Variants in MEI4 observed in about 807,000 individuals in gnomAD.
MEI4 encodes meiotic double-stranded break formation protein 4, also known as meiosis-specific protein MEI4.
Under a neutral mutation model 31.4 loss-of-function variants are expected in MEI4, and 27 were observed. The ratio of observed to expected loss-of-function variants is 0.86; its 90% CI spans 0.63 to 1.19. The LOEUF is 1.19. Ranked by LOEUF, MEI4 falls within the 50% of genes most tolerant of loss-of-function variation. The pLI is 0.00. For missense variants in MEI4, 329 were observed against 398.9 expected (o/e 0.82, Z 1.49); for synonymous variants, 122 against 145.4 (o/e 0.84, Z 1.16).
At chr6:77,844,279 T>C (rs938921148) in intron 4 of MEI4, among the ~76,000 whole-genome samples, 24 of 152,186 alleles carry the variant, frequency 1.6e-4, no homozygotes, top group African/African-American at 5.5e-4. Flanking sequence ...TTTTTAAGAA[T>C]AGAGTTCCTC....
intron 4 of MEI4, among the ~76,000 whole-genome samples, chr6:77,913,819 G>A (rs188820576): frequency 1.3e-5 from 2 of 151,338 alleles, no homozygotes; most frequent in East Asian, 3.9e-4. Context: ...AGATCACGAG[G>A]TCAGGAGATT....
At chr6:77,695,123 T>C (rs144356077) in intron 2 of MEI4, among the ~76,000 whole-genome samples, 20,936 of 152,204 alleles carry the variant, frequency 0.14, 1,526 homozygotes, top group Middle Eastern at 0.21. Context: ...TATTTTTGTC[T>C]TGTAAATTTG....
intron 2 of MEI4, among the ~76,000 whole-genome samples, chr6:77,755,819 T>C (rs1767900858): frequency 7.1e-6 from 1 of 141,306 alleles, no homozygotes; most frequent in South Asian, 2.2e-4. Flanking sequence ...CAAATTGTGC[T>C]GGAATGGTGT....
chr6:77,728,848 C>G (rs1766895692), intron 2 of MEI4, among the ~76,000 whole-genome samples: 1 of 152,172 alleles, frequency 6.6e-6, no homozygotes, highest in African/African-American at 2.4e-5. Flanking sequence ...GTAGGACTTT[C>G]AATACAGTGG....
chr6:77,749,518 A>G (rs1454314300), intron 2 of MEI4, among the ~76,000 whole-genome samples: 1 of 152,192 alleles, frequency 6.6e-6, no homozygotes, highest in East Asian at 1.9e-4. Flanking sequence ...AAAGGATATC[A>G]GAGATTGAAG....
chr6:77,747,784 G>T (rs1561972571), intron 2 of MEI4, among the ~76,000 whole-genome samples: 1 of 152,136 alleles, frequency 6.6e-6, no homozygotes, highest in Non-Finnish European at 1.5e-5. Context: ...AAAATTCACA[G>T]TCCAAAGTCT....
chr6:77,785,497 A>G (rs1382289565), intron 3 of MEI4, among the ~76,000 whole-genome samples: 4 of 152,206 alleles, frequency 2.6e-5, no homozygotes, highest in Non-Finnish European at 5.9e-5. Flanking sequence ...ATGGTAGGGC[A>G]CAGACTAGAC....
chr6:77,783,778 T>C (rs1768657391), intron 3 of MEI4, among the ~76,000 whole-genome samples: 1 of 152,134 alleles, frequency 6.6e-6, no homozygotes, highest in Non-Finnish European at 1.5e-5. Context: ...TGATTTCAAA[T>C]AAAATCAAAT....
At chr6:77,730,265 T>C (rs1004717090) in intron 2 of MEI4, among the ~76,000 whole-genome samples, 8 of 152,150 alleles carry the variant, frequency 5.3e-5, no homozygotes, top group African/African-American at 1.9e-4. Context: ...ATTCACACAT[T>C]GATGAATGGA....
intron 2 of MEI4, among the ~76,000 whole-genome samples, chr6:77,735,697 G>T (rs1370092139): frequency 1.3e-5 from 2 of 152,106 alleles, no homozygotes; most frequent in South Asian, 2.1e-4. Flanking sequence ...TCCTTTGGAG[G>T]AGGAGAGGTG....
intron 2 of MEI4, among the ~76,000 whole-genome samples, chr6:77,722,018 A>G (rs1410479875): frequency 1.6e-5 from 2 of 123,272 alleles, no homozygotes; most frequent in Non-Finnish European, 3.5e-5. Flanking sequence ...CTGAGGTAAC[A>G]CTTTCCACTG....
chr6:77,753,336 G>A (rs191605077), intron 2 of MEI4, among the ~76,000 whole-genome samples: 1 of 151,126 alleles, frequency 6.6e-6, no homozygotes, highest in Non-Finnish European at 1.5e-5. Flanking sequence ...TGGGAGAAAA[G>A]TTTTACAATC....
chr6:77,917,621 T>TG (rs878872143), intron 4 of MEI4, among the ~76,000 whole-genome samples: 23 of 45,434 alleles, frequency 5.1e-4, no homozygotes, highest in East Asian at 2.1e-3. Flanking sequence ...TGGGGTTGTT[T>TG]TTTTCTTGTA....
In MEI4 at chr6:77,878,422, T is replaced by C. The variant is rs755961138; in HGVS notation, c.901-44667T>C. 7.9e-5 allele frequency among the ~76,000 whole-genome samples: 12 copies of C among 152,062 alleles called. No individual in the cohort carries two copies. The East Asian group carries it at 1.7e-3, about 22-fold the overall frequency. ...AATTAATAACAAACGAGTTTTTACG[T>C]CTTCAGAAAAAATGAACATAATAAT... is the stretch of plus-strand genomic sequence containing the variant. On this transcript the variant is annotated intron_variant, in intron 4 of 4. Transcript: ENST00000684080.
chr6:77,719,105 G>A (rs1766654943), intron 2 of MEI4, among the ~76,000 whole-genome samples: 1 of 140,448 alleles, frequency 7.1e-6, no homozygotes, highest in South Asian at 2.2e-4. Context: ...ACTCACTTGT[G>A]CACTTGGACA....
chr6:77,728,611 C>T (rs774677321), intron 2 of MEI4, among the ~76,000 whole-genome samples: 1 of 152,120 alleles, frequency 6.6e-6, no homozygotes, highest in Non-Finnish European at 1.5e-5. Context: ...TGATGGAGTA[C>T]CTGGAGATAG....
chr6:77,673,896 T>C (rs1303697018), intron 1 of MEI4, among the ~76,000 whole-genome samples: 1 of 152,172 alleles, frequency 6.6e-6, no homozygotes, highest in African/African-American at 2.4e-5. Flanking sequence ...TTTGGGCACT[T>C]AAAAAATAAT....
At chr6:77,738,019 A>G (rs369804588) in intron 2 of MEI4, among the ~76,000 whole-genome samples, 12 of 152,346 alleles carry the variant, frequency 7.9e-5, no homozygotes, top group Admixed American at 5.2e-4. Flanking sequence ...TAAGAAAGTC[A>G]TCTGCCTAAA....
At chr6:77,758,028 T>C (rs1254251814) in intron 2 of MEI4, among the ~76,000 whole-genome samples, 2 of 151,832 alleles carry the variant, frequency 1.3e-5, no homozygotes, top group Admixed American at 6.6e-5. Flanking sequence ...TGGTGGCATG[T>C]GCCTGTAGTC....
Sources: allele counts gnomAD v4.1 joint callset (sites outside exome capture counted in the v4.1 genomes callset), GRCh38; gene constraint gnomAD v4.1.1; transcripts MANE v1.5; gene names NCBI Gene and HGNC (gene_info 2026-07-23, HGNC 2026-07-21).